FAF1: variants seen among roughly 807,000 people sequenced by gnomAD.
FAF1 encodes the protein FAS-associated factor 1.
In FAF1, 25 loss-of-function variants were observed where a neutral mutation model predicts 92.5. The observed-to-expected ratio is 0.27, with a 90% CI of 0.20 to 0.38. FAF1 has a LOEUF of 0.38. Among genes scored for constraint, FAF1 ranks in the 10% least tolerant of loss-of-function variants. FAF1 has a pLI of 1.00. For missense variants in FAF1, 636 were observed against 793.3 expected, an observed-to-expected ratio of 0.80 and a Z score of 2.38; for synonymous variants, 234 against 273.2, an observed-to-expected ratio of 0.86 and a Z score of 1.42.
chr1:50,619,907 CTCTT>C (rs1302894002), intron 8 of FAF1, among the ~76,000 whole-genome samples: 2 of 150,484 alleles, frequency 1.3e-5, no homozygotes, highest in South Asian at 2.1e-4. Context: ...GTCTCTCTCT[CTCTT>C]TTTTTTTTTT....
At position 50,959,833 on chromosome 1, in the gene FAF1, C is replaced by G; in HGVS notation, c.-22G>C. On this transcript the variant is annotated 5_prime_UTR_variant, in exon 1 of 19. Transcript: ENST00000396153. ...CCATGGCGGCCGCCGAGTTCCGCGG[C>G]TCCGGGAGCGAAGCGCGCACCTGGG... The G allele has an allele frequency of 6.5e-7, 1 of 1,542,090 alleles. No homozygotes were observed. Among genetic ancestry groups the G allele is most frequent in the Non-Finnish European group, 8.8e-7 (1 of 1,140,456 alleles).
chr1:50,490,782 G>T, intron 16 of FAF1, 117 bp from the exon 17 acceptor site: 1 of 726,532 alleles, frequency 1.4e-6, no homozygotes, highest in Non-Finnish European at 2.4e-6. Flanking sequence ...ACATTCAAAG[G>T]CTCATTGTCA....
At chr1:50,863,395 T>C (rs1489292300) in intron 1 of FAF1, among the ~76,000 whole-genome samples, 1 of 151,872 alleles carries the variant, frequency 6.6e-6, no homozygotes, top group Non-Finnish European at 1.5e-5. Flanking sequence ...TACCATTAAA[T>C]GCCTAGATCA....
At chr1:50,507,466 CAG>C (rs1647072523) in intron 15 of FAF1, among the ~76,000 whole-genome samples, 1 of 152,156 alleles carries the variant, frequency 6.6e-6, no homozygotes, top group African/African-American at 2.4e-5. Flanking sequence ...CTGCCAGGTA[CAG>C]TGGCTCATGC....
intron 1 of FAF1, among the ~76,000 whole-genome samples, chr1:50,858,958 C>A (rs745783625): frequency 1.3e-5 from 2 of 151,782 alleles, no homozygotes; most frequent in Non-Finnish European, 2.9e-5. Context: ...AAGTATACTT[C>A]ATTCTTGGGA....
chr1:50,743,802 G>A (rs1396159640), intron 5 of FAF1, among the ~76,000 whole-genome samples: 1 of 151,894 alleles, frequency 6.6e-6, no homozygotes, highest in African/African-American at 2.4e-5. Context: ...CCCAGGTGCA[G>A]CAGCTCACAC....
At chr1:50,712,680 A>G (rs1289346906) in intron 6 of FAF1, among the ~76,000 whole-genome samples, 1 of 152,034 alleles carries the variant, frequency 6.6e-6, no homozygotes, top group African/African-American at 2.4e-5. Context: ...TGCCATGGTA[A>G]TCTGTGTAAT....
chr1:50,703,081 T>C (rs1657539897), intron 7 of FAF1, among the ~76,000 whole-genome samples: 1 of 151,876 alleles, frequency 6.6e-6, no homozygotes, highest in Admixed American at 6.6e-5. Flanking sequence ...TTCCTTTCCC[T>C]CAATTATATT....
intron 13 of FAF1, among the ~76,000 whole-genome samples, chr1:50,558,189 G>A (rs1013472547): frequency 1.3e-5 from 2 of 151,544 alleles, no homozygotes; most frequent in African/African-American, 2.4e-5. Context: ...GTGAGCCGCC[G>A]CATCCAGCCT....
At chr1:50,720,917 G>A (rs1343921329) in intron 6 of FAF1, among the ~76,000 whole-genome samples, 1 of 151,888 alleles carries the variant, frequency 6.6e-6, no homozygotes, top group African/African-American at 2.4e-5. Context: ...GAAGCCCCAC[G>A]CTCCTATTCC....
intron 6 of FAF1, among the ~76,000 whole-genome samples, chr1:50,731,634 C>CT (rs1008420184): frequency 3.1e-4 from 47 of 152,026 alleles, no homozygotes; most frequent in African/African-American, 1.1e-3. Context: ...TCCCAAAGTG[C>CT]TGGGATTACA....
chr1:50,479,220 C>A (rs1335609444), intron 17 of FAF1, among the ~76,000 whole-genome samples: 1 of 151,090 alleles, frequency 6.6e-6, no homozygotes, highest in East Asian at 1.9e-4. Context: ...CTATAAGATG[C>A]AGAATGTTTT....
At chr1:50,866,661 G>A (rs967948336) in intron 1 of FAF1, among the ~76,000 whole-genome samples, 2 of 151,904 alleles carry the variant, frequency 1.3e-5, no homozygotes, top group Admixed American at 1.3e-4. Flanking sequence ...CTCCAGAAGA[G>A]AAACTACAAA....
At chr1:50,777,469 T>C (rs931777228) in intron 4 of FAF1, among the ~76,000 whole-genome samples, 1 of 152,116 alleles carries the variant, frequency 6.6e-6, no homozygotes, top group Non-Finnish European at 1.5e-5. Context: ...AAAAATGCCA[T>C]AGTGAATTTG....
intron 2 of FAF1, among the ~76,000 whole-genome samples, chr1:50,819,413 G>A (rs1434756864): frequency 1.3e-5 from 2 of 150,674 alleles, no homozygotes; most frequent in Non-Finnish European, 3.0e-5. Flanking sequence ...CTAGGGGTTT[G>A]AGACCAGCCT....
At chr1:50,902,796 T>C (rs1644806783) in intron 1 of FAF1, among the ~76,000 whole-genome samples, 1 of 152,212 alleles carries the variant, frequency 6.6e-6, no homozygotes, top group South Asian at 2.1e-4. Context: ...TTATACTGTA[T>C]CTGTTTTTTA....
At chr1:50,700,105 A>G (rs1310024340) in intron 7 of FAF1, among the ~76,000 whole-genome samples, 1 of 152,060 alleles carries the variant, frequency 6.6e-6, no homozygotes, top group African/African-American at 2.4e-5. Context: ...AAAAACTCAA[A>G]TGATATGAAA....
intron 1 of FAF1, among the ~76,000 whole-genome samples, chr1:50,881,945 T>C (rs147756789): frequency 8.5e-5 from 13 of 152,276 alleles, no homozygotes; most frequent in African/African-American, 3.1e-4. Context: ...ATTGTAAGAT[T>C]TTTGCTCTTC....
intron 6 of FAF1, among the ~76,000 whole-genome samples, chr1:50,733,020 C>T (rs1658993770): frequency 6.6e-6 from 1 of 152,048 alleles, no homozygotes; most frequent in African/African-American, 2.4e-5. Context: ...TAACCACTAT[C>T]TCTGTGTCGT....
Sources: gnomAD v4.1 joint callset for allele counts (sites outside exome capture counted in the v4.1 genomes callset) on GRCh38, gnomAD v4.1.1 for gene constraint, MANE v1.5 for transcripts, NCBI Gene and HGNC (gene_info 2026-07-23, HGNC 2026-07-21) for gene names.